TIAM1: variants seen among roughly 807,000 people sequenced by gnomAD.
The protein encoded by TIAM1 is rho guanine nucleotide exchange factor TIAM1.
TIAM1 carries 65 observed loss-of-function variants against 163.5 expected under a neutral mutation model. That is an observed-to-expected ratio of 0.40 (90% confidence interval 0.33 to 0.49). TIAM1 has a LOEUF of 0.49. TIAM1 is among the 20% of genes least tolerant of loss of function. The pLI, the probability that TIAM1 is intolerant of heterozygous loss-of-function variation, is 0.77. For missense variants in TIAM1, 1,789 were observed against 2,044.7 expected (o/e 0.87, Z 2.41); for synonymous variants, 833 against 810.1 (o/e 1.03, Z -0.48).
intron 1 of TIAM1, among the ~76,000 whole-genome samples, chr21:31,486,962 A>T (rs764749627): frequency 2.0e-5 from 3 of 152,108 alleles, no homozygotes; most frequent in Non-Finnish European, 4.4e-5. Flanking sequence ...GCTAGCTAAG[A>T]CTTGGTGACA....
chr21:31,200,625 C>G (rs1044056480), intron 12 of TIAM1, among the ~76,000 whole-genome samples: 3 of 152,056 alleles, frequency 2.0e-5, no homozygotes, highest in Non-Finnish European at 1.5e-5. Context: ...ACCTATTAAG[C>G]CTTATAATTT....
rs185742852 is a variant in TIAM1 at position 31,168,660 on chromosome 21, C to A, written c.2888-3595G>T. Among the ~76,000 whole-genome samples the A allele has an allele frequency of 4.2e-3, 646 of 152,274 alleles. 5 individuals carry two copies. The highest frequency in any genetic ancestry group is 0.015 in the African/African-American group (625 of 41,548). ...CGTGATCCACCTGTCTTGGCCTCCC[C>A]AAGTGCTAGGATTACAGGTGTAAGC... On this transcript the variant is annotated intron_variant, in intron 15 of 27. Transcript: ENST00000541036.
At chr21:31,223,778 T>A (rs1348363719) in intron 7 of TIAM1, among the ~76,000 whole-genome samples, 187 bp from the exon 8 acceptor site, 1 of 152,190 alleles carries the variant, frequency 6.6e-6, no homozygotes, top group Non-Finnish European at 1.5e-5. Flanking sequence ...AAATTCAGCA[T>A]CATAAATAGA....
chr21:31,246,068 T>A (rs994145957), intron 5 of TIAM1, among the ~76,000 whole-genome samples: 1 of 152,190 alleles, frequency 6.6e-6, no homozygotes, highest in African/African-American at 2.4e-5. Context: ...CCCATTCAAA[T>A]ATGTCTCGTA....
At chr21:31,222,694 TA>T (rs1569056098) in intron 8 of TIAM1, among the ~76,000 whole-genome samples, 659 of 38,050 alleles carry the variant, frequency 0.017, 1 homozygote, top group Non-Finnish European at 0.025. Flanking sequence ...TATATATATA[TA>T]TATATATATA....
At chr21:31,254,875 G>T (rs904640445) in intron 4 of TIAM1, among the ~76,000 whole-genome samples, 2 of 152,154 alleles carry the variant, frequency 1.3e-5, no homozygotes, top group African/African-American at 4.8e-5. Context: ...ATAAGGAAAA[G>T]CGAGGCAGAA....
At chr21:31,407,058 G>A (rs1390376643) in intron 2 of TIAM1, among the ~76,000 whole-genome samples, 3 of 152,178 alleles carry the variant, frequency 2.0e-5, no homozygotes, top group Non-Finnish European at 4.4e-5. Context: ...GAAAGTGACA[G>A]CTCTCACTAG....
intron 2 of TIAM1, among the ~76,000 whole-genome samples, chr21:31,399,928 T>G (rs575757065): frequency 2.6e-5 from 4 of 152,116 alleles, no homozygotes; most frequent in African/African-American, 9.7e-5. Flanking sequence ...GTTGACACTT[T>G]CATTGATTTC....
At chr21:31,423,039 A>G (rs1167027296) in intron 2 of TIAM1, among the ~76,000 whole-genome samples, 1 of 150,944 alleles carries the variant, frequency 6.6e-6, no homozygotes, top group Non-Finnish European at 1.5e-5. Flanking sequence ...AAGTCACTTA[A>G]TACACACTGA....
intron 1 of TIAM1, among the ~76,000 whole-genome samples, chr21:31,465,694 C>T (rs1378815090): frequency 6.6e-6 from 1 of 152,234 alleles, no homozygotes; most frequent in South Asian, 2.1e-4. Flanking sequence ...CCTCAGCCTC[C>T]GGAGTAGCTG....
At chr21:31,394,833 C>T (rs1453294147) in intron 2 of TIAM1, among the ~76,000 whole-genome samples, 1 of 151,632 alleles carries the variant, frequency 6.6e-6, no homozygotes, top group East Asian at 1.9e-4. Flanking sequence ...TTGCCTGAAG[C>T]AGTGGGCAAT....
chr21:31,203,322 T>C (rs1318574202), intron 11 of TIAM1, among the ~76,000 whole-genome samples: 2 of 152,122 alleles, frequency 1.3e-5, no homozygotes, highest in African/African-American at 4.8e-5. Flanking sequence ...GGGGTTTCAC[T>C]ATGTTGGCCA....
intron 2 of TIAM1, among the ~76,000 whole-genome samples, chr21:31,337,657 G>A (rs767664874): frequency 3.3e-5 from 5 of 151,608 alleles, no homozygotes; most frequent in Non-Finnish European, 7.4e-5. Flanking sequence ...TCAGCCTCCC[G>A]CGTAGCTGAG....
At chr21:31,504,794 C>T (rs926312826) in intron 1 of TIAM1, among the ~76,000 whole-genome samples, 6 of 152,182 alleles carry the variant, frequency 3.9e-5, no homozygotes, top group South Asian at 2.1e-4. Context: ...TTCAGGATCT[C>T]ATGCTTGCTA....
At chr21:31,330,436 G>C (rs2075641849) in intron 2 of TIAM1, among the ~76,000 whole-genome samples, 1 of 151,900 alleles carries the variant, frequency 6.6e-6, no homozygotes, top group Non-Finnish European at 1.5e-5. Context: ...TTTTTTGTTT[G>C]TTTTTGTTTT....
chr21:31,339,325 G>C lies in TIAM1; in HGVS notation c.-271C>G. ...TGCTCACATACTAGGTGAGAGACTA[G>C]GATTCAGAGCATTATGCCCATGGTA... On this transcript the variant is annotated 5_prime_UTR_variant, in exon 2 of 28. Coordinates refer to ENST00000541036, the MANE Select transcript of TIAM1 (RefSeq NM_001353694.2). 2.5e-6 allele frequency: 1 copy of C among 398,594 alleles called. No individual in the cohort carries two copies. Among genetic ancestry groups the C allele is most frequent in the Non-Finnish European group, 4.4e-6 (1 of 226,062 alleles). The allele number at this position is 398,594 out of a possible 1,614,324, so 24.7% of individuals were successfully genotyped here.
intron 1 of TIAM1, among the ~76,000 whole-genome samples, chr21:31,528,475 G>A (rs1025363267): frequency 2.0e-5 from 3 of 151,672 alleles, no homozygotes; most frequent in South Asian, 2.1e-4. Context: ...CTAGGATCGC[G>A]CCTCCATACT....
rs548417764 is a variant in TIAM1, at chr21:31,236,990, CT to C, written c.1584+8497del. Among the ~76,000 whole-genome samples, 1,309 of 152,282 alleles carry C rather than the reference CT, an allele frequency of 8.6e-3. 15 individuals carry two copies. Among genetic ancestry groups the C allele is most frequent in the African/African-American group, 0.03 (1,242 of 41,546 alleles). On this transcript the variant is annotated intron_variant, in intron 6 of 27. Transcript: ENST00000541036. The stretch of plus-strand genomic sequence containing the variant: ...ATAAGCAGAAGACTTGCACAGGACT[CT>C]GTGGGTGAATATAGAAACAAAGAGA...
chr21:31,354,794 T>C (rs1375413726), intron 2 of TIAM1, among the ~76,000 whole-genome samples: 1 of 152,038 alleles, frequency 6.6e-6, no homozygotes, highest in African/African-American at 2.4e-5. Context: ...AACCCTATGC[T>C]CTCAGATGCC....
Sources: allele counts gnomAD v4.1 joint callset (sites outside exome capture counted in the v4.1 genomes callset), GRCh38; gene constraint gnomAD v4.1.1; transcripts MANE v1.5; gene names NCBI Gene and HGNC (gene_info 2026-07-23, HGNC 2026-07-21).